PCCB: variants seen among roughly 807,000 people sequenced by gnomAD.
PCCB encodes the protein propionyl-CoA carboxylase subunit beta, also known as propionyl-CoA carboxylase beta chain, mitochondrial.
A neutral mutation model predicts 60.7 loss-of-function variants in PCCB; 43 were observed. The observed-to-expected ratio is 0.71, with a 90% CI of 0.55 to 0.91. The LOEUF (loss-of-function observed/expected upper bound fraction) is 0.91, where lower values mean the gene tolerates loss of function less well. Ranked by LOEUF, PCCB falls within the 40% of genes least tolerant of loss-of-function variation. PCCB has a pLI of 0.00. For missense variants in PCCB, 766 were observed against 702.8 expected, an observed-to-expected ratio of 1.09 and a Z score of -1.02; for synonymous variants, 276 against 255.9, an observed-to-expected ratio of 1.08 and a Z score of -0.75.
intron 5 of PCCB, among the ~76,000 whole-genome samples, chr3:136,262,764 C>T (rs1386280281): frequency 6.6e-6 from 1 of 152,154 alleles, no homozygotes; most frequent in Non-Finnish European, 1.5e-5. Flanking sequence ...GCCAGCCACT[C>T]TTATCATCCC....
intron 10 of PCCB, among the ~76,000 whole-genome samples, chr3:136,317,441 C>G (rs574518826): frequency 6.6e-6 from 1 of 151,580 alleles, no homozygotes; most frequent in Non-Finnish European, 1.5e-5. Flanking sequence ...GTTGCCTGTG[C>G]TGGTTTTGAA....
At chr3:136,323,690 C>T (rs760415628) in intron 10 of PCCB, among the ~76,000 whole-genome samples, 1 of 151,478 alleles carries the variant, frequency 6.6e-6, no homozygotes, top group Non-Finnish European at 1.5e-5. Context: ...GAGGCCGAGG[C>T]AGGAGAATCA....
intron 6 of PCCB, among the ~76,000 whole-genome samples, chr3:136,287,850 T>C (rs1308489419): frequency 1.3e-5 from 2 of 152,260 alleles, no homozygotes; most frequent in South Asian, 2.1e-4. Flanking sequence ...TATATGTGTC[T>C]TGGTGCGCAC....
chr3:136,315,678 AT>A (rs35871807), intron 9 of PCCB, among the ~76,000 whole-genome samples: 109 of 146,830 alleles, frequency 7.4e-4, no homozygotes, highest in Admixed American at 1.5e-3. Flanking sequence ...AAAAAATATA[AT>A]TTTTTTTTTT....
chr3:136,259,154 T>C, intron 3 of PCCB: 1 of 1,467,144 alleles, frequency 6.8e-7, no homozygotes, highest in Non-Finnish European at 9.0e-7. Flanking sequence ...TTCTTGTTTT[T>C]TAACCTTTCT....
chr3:136,297,634 G>T (rs1427183835), intron 7 of PCCB, among the ~76,000 whole-genome samples: 2 of 152,156 alleles, frequency 1.3e-5, no homozygotes, highest in Non-Finnish European at 2.9e-5. Context: ...GAGAACTCCC[G>T]CATGGTATAG....
intron 5 of PCCB, among the ~76,000 whole-genome samples, chr3:136,266,320 G>C (rs1369281033): frequency 2.6e-5 from 4 of 151,800 alleles, no homozygotes; most frequent in Non-Finnish European, 1.5e-5. Flanking sequence ...GTGGAGACAG[G>C]GTTTCACCAT....
chr3:136,319,466 G>A (rs1047418635), intron 10 of PCCB, among the ~76,000 whole-genome samples: 10 of 150,216 alleles, frequency 6.7e-5, no homozygotes, highest in African/African-American at 1.7e-4. Flanking sequence ...GTACGATCTC[G>A]GCTTATTGCA....
At chr3:136,271,592 T>G (rs746762835) in intron 5 of PCCB, among the ~76,000 whole-genome samples, 2 of 152,236 alleles carry the variant, frequency 1.3e-5, no homozygotes, top group African/African-American at 2.4e-5. Context: ...GGTATATTCC[T>G]AGGTATTTTA....
intron 6 of PCCB, among the ~76,000 whole-genome samples, chr3:136,285,440 AC>A (rs1304919390): frequency 6.6e-6 from 1 of 152,094 alleles, no homozygotes; most frequent in East Asian, 1.9e-4. Context: ...TATCATCAAA[AC>A]AAAAACTGTC....
chr3:136,306,900 G>T (rs898275268), intron 9 of PCCB, among the ~76,000 whole-genome samples: 1 of 122,740 alleles, frequency 8.1e-6, no homozygotes, highest in Non-Finnish European at 1.8e-5. Flanking sequence ...CACTGAGCAC[G>T]TGGGAAAATT....
At chr3:136,278,223 G>A (rs1308509847) in intron 5 of PCCB, among the ~76,000 whole-genome samples, 1 of 152,084 alleles carries the variant, frequency 6.6e-6, no homozygotes, top group African/African-American at 2.4e-5. Flanking sequence ...CTTCCCCCAT[G>A]GCCTGGATTT....
intron 5 of PCCB, among the ~76,000 whole-genome samples, chr3:136,276,971 T>C (rs1206155504): frequency 6.6e-6 from 1 of 152,176 alleles, no homozygotes; most frequent in Non-Finnish European, 1.5e-5. Flanking sequence ...GATAAGTTGA[T>C]TGCTATTCTT....
chr3:136,327,856 G>A (rs749645939), intron 13 of PCCB, 124 bp downstream of exon 13: 12 of 769,520 alleles, frequency 1.6e-5, no homozygotes, highest in Non-Finnish European at 2.5e-5. Context: ...GGACTGAGGT[G>A]AATGGGACCT....
At chr3:136,308,095 G>A in intron 9 of PCCB, among the ~76,000 whole-genome samples, 1 of 152,054 alleles carries the variant, frequency 6.6e-6, no homozygotes, top group East Asian at 1.9e-4. Context: ...ATTATATTCA[G>A]TATATAAATG....
At chr3:136,316,795 C>G in intron 9 of PCCB, 146 bp from the exon 10 acceptor site, 1 of 904,328 alleles carries the variant, frequency 1.1e-6, no homozygotes, top group South Asian at 1.4e-5. Flanking sequence ...TGCCTGTTGT[C>G]CTGCTTCCTT....
intron 6 of PCCB, among the ~76,000 whole-genome samples, chr3:136,289,076 C>T (rs1250472334): frequency 6.6e-6 from 1 of 152,066 alleles, no homozygotes. Context: ...ATAGGCTGGT[C>T]TTAACCCCTG....
chr3:136,307,753 A>G lies in PCCB; in HGVS notation c.966+6642A>G, dbSNP rs1478827293. ...TACTTTGGGAGGCTGAGGCGAGCAG[A>G]TCACCTGAGGTTGGAAGTTTGAGAC... is the stretch of plus-strand genomic sequence containing the variant. On this transcript the variant is annotated intron_variant, in intron 9 of 14. Transcript: ENST00000251654. 2.0e-5 allele frequency among the ~76,000 whole-genome samples: 3 copies of G among 152,280 alleles called. No individual in the cohort carries two copies. The East Asian group carries it at 5.8e-4, about 29-fold the overall frequency.
In PCCB at chr3:136,330,077, C is replaced by T. The variant is rs573344327; in HGVS notation, c.*51C>T. 39 of 1,612,780 alleles carry T rather than the reference C, an allele frequency of 2.4e-5. No homozygotes were observed. In the Admixed American group the frequency reaches 6.5e-4, roughly 27 times the overall value. On this transcript the variant is annotated 3_prime_UTR_variant, in exon 15 of 15. Transcript: ENST00000251654. ...AACTGAATTACTGTCTGCCCATTCACATCCCATTCCTGCCTTTTGCAATCA... is the reference window on the plus strand; with the variant it reads ...AACTGAATTACTGTCTGCCCATTCATATCCCATTCCTGCCTTTTGCAATCA...
Sources: gnomAD v4.1 joint callset for allele counts (sites outside exome capture counted in the v4.1 genomes callset) on GRCh38, gnomAD v4.1.1 for gene constraint, MANE v1.5 for transcripts, NCBI Gene and HGNC (gene_info 2026-07-23, HGNC 2026-07-21) for gene names.